Variants in FSTL5 observed in about 807,000 individuals in gnomAD.
The protein encoded by FSTL5 is follistatin-related protein 5.
Under a neutral mutation model 89.1 loss-of-function variants are expected in FSTL5, and 62 were observed. That is an observed-to-expected ratio of 0.70 (90% CI 0.57 to 0.86). The LOEUF is 0.86. Ranked by LOEUF, FSTL5 falls within the 40% of genes least tolerant of loss-of-function variation. The pLI is 0.00. For synonymous variants in FSTL5, 383 were observed against 346.2 expected, an observed-to-expected ratio of 1.11 and a Z score of -1.18; for missense variants, 1,057 against 1,001.6, an observed-to-expected ratio of 1.06 and a Z score of -0.75.
intron 1 of FSTL5, among the ~76,000 whole-genome samples, chr4:162,126,256 T>G (rs1254898736): frequency 6.6e-6 from 1 of 152,082 alleles, no homozygotes; most frequent in Non-Finnish European, 1.5e-5. Flanking sequence ...AGGCAACATG[T>G]CCCGTTCTTT....
intron 3 of FSTL5, among the ~76,000 whole-genome samples, chr4:162,008,387 C>G (rs1331659890): frequency 1.3e-5 from 2 of 151,800 alleles, no homozygotes; most frequent in Non-Finnish European, 3.0e-5. Flanking sequence ...TTTCCAAAAG[C>G]ACCTTTTAAT....
chr4:161,656,352 A>G lies in FSTL5; in HGVS notation c.870T>C (p.Asn290=). ...CATTGATGTCTTCCAAATCTAAATT[A>G]TTTAGAATAATATTGTTCCTTTTCC... is the stretch of plus-strand genomic sequence containing the variant. The part of the protein sequence containing the change: ...IIWKRNNIIL[N]NLDLEDINDF... Residue 290 remains asparagine, a synonymous_variant, in exon 7 of 16, where the codon AAT becomes AAC. Transcript: ENST00000306100. The G allele has an allele frequency of 6.3e-7, 1 of 1,588,484 alleles. No individual in the cohort carries two copies. Among genetic ancestry groups the G allele is most frequent in the Middle Eastern group, 1.7e-4 (1 of 5,966 alleles).
intron 8 of FSTL5, among the ~76,000 whole-genome samples, chr4:161,571,809 T>G (rs1733022017): frequency 6.6e-6 from 1 of 152,086 alleles, no homozygotes; most frequent in Non-Finnish European, 1.5e-5. Flanking sequence ...GTAATTCTGT[T>G]GTGGTGCTGG....
At chr4:161,637,492 C>T (rs549246004) in intron 7 of FSTL5, among the ~76,000 whole-genome samples, 23 of 152,038 alleles carry the variant, frequency 1.5e-4, no homozygotes, top group African/African-American at 2.9e-4. Context: ...TCAATTTTGT[C>T]GTTTGTTGCC....
intron 8 of FSTL5, among the ~76,000 whole-genome samples, chr4:161,544,436 C>T (rs1560946589): frequency 6.6e-6 from 1 of 151,834 alleles, no homozygotes; most frequent in Non-Finnish European, 1.5e-5. Flanking sequence ...TGGGCAAATC[C>T]ATGGTGACAG....
At chr4:161,472,825 A>G (rs751740167) in intron 13 of FSTL5, among the ~76,000 whole-genome samples, 12 of 151,788 alleles carry the variant, frequency 7.9e-5, no homozygotes, top group Non-Finnish European at 1.6e-4. Context: ...CCTGGGTTCA[A>G]GCAATTCTCC....
chr4:161,631,739 C>A (rs1053364599), intron 7 of FSTL5, among the ~76,000 whole-genome samples: 1 of 152,166 alleles, frequency 6.6e-6, no homozygotes, highest in Admixed American at 6.5e-5. Flanking sequence ...TTCTGACACA[C>A]AAATTACTAC....
chr4:161,820,387 A>T (rs1730453450), intron 4 of FSTL5, among the ~76,000 whole-genome samples: 1 of 152,194 alleles, frequency 6.6e-6, no homozygotes, highest in Admixed American at 6.5e-5. Context: ...TAATTCCAAT[A>T]GAGAGACACT....
intron 8 of FSTL5, among the ~76,000 whole-genome samples, chr4:161,554,605 A>G (rs1732326402): frequency 6.6e-6 from 1 of 151,678 alleles, no homozygotes; most frequent in South Asian, 2.1e-4. Context: ...AATGAATTTA[A>G]GGTGAATCGT....
At chr4:161,946,658 T>C (rs1734741947) in intron 3 of FSTL5, among the ~76,000 whole-genome samples, 1 of 152,180 alleles carries the variant, frequency 6.6e-6, no homozygotes, top group Non-Finnish European at 1.5e-5. Context: ...TAACAATTAC[T>C]TCAGTTGTTT....
chr4:161,786,142 A>T (rs969268030), intron 4 of FSTL5, among the ~76,000 whole-genome samples: 2 of 152,034 alleles, frequency 1.3e-5, no homozygotes, highest in African/African-American at 4.8e-5. Context: ...AATACATCTA[A>T]TTTATTCTAT....
chr4:162,069,815 A>G (rs1380228853), intron 2 of FSTL5, among the ~76,000 whole-genome samples: 2 of 151,900 alleles, frequency 1.3e-5, no homozygotes, highest in Non-Finnish European at 1.5e-5. Context: ...TTGGTTGACT[A>G]TATCTTAGCC....
intron 4 of FSTL5, among the ~76,000 whole-genome samples, chr4:161,869,787 T>C (rs1279565350): frequency 6.6e-6 from 1 of 152,224 alleles, no homozygotes; most frequent in African/African-American, 2.4e-5. Context: ...GTTAATACAT[T>C]AGCATATGGC....
At chr4:161,686,020 A>AT (rs1007568747) in intron 6 of FSTL5, among the ~76,000 whole-genome samples, 15 of 148,640 alleles carry the variant, frequency 1.0e-4, no homozygotes, top group Admixed American at 4.1e-4. Flanking sequence ...TGGTCATGTA[A>AT]TTTTTTTTTT....
intron 15 of FSTL5, among the ~76,000 whole-genome samples, chr4:161,434,533 C>T (rs563895299): frequency 2.6e-5 from 4 of 151,666 alleles, no homozygotes; most frequent in Admixed American, 6.6e-5. Flanking sequence ...TTTTTGTATC[C>T]GATAAGCACA....
chr4:161,924,653 C>T (rs1734076874), intron 3 of FSTL5, among the ~76,000 whole-genome samples: 1 of 151,462 alleles, frequency 6.6e-6, no homozygotes, highest in African/African-American at 2.4e-5. Flanking sequence ...TAAGACCTCA[C>T]AAACAATGTA....
intron 7 of FSTL5, among the ~76,000 whole-genome samples, chr4:161,643,503 A>G (rs1016843260): frequency 3.3e-5 from 5 of 151,476 alleles, no homozygotes; most frequent in South Asian, 2.1e-4. Context: ...AGTCAGTAAG[A>G]TTTTGAAGAC....
At chr4:161,872,150 T>G (rs1186982350) in intron 4 of FSTL5, among the ~76,000 whole-genome samples, 8 of 132,944 alleles carry the variant, frequency 6.0e-5, no homozygotes, top group South Asian at 5.4e-4. Context: ...GGTTTTTTTT[T>G]TTTTTTTTGT....
intron 4 of FSTL5, among the ~76,000 whole-genome samples, chr4:161,830,858 G>A (rs1484755049): frequency 6.6e-6 from 1 of 151,842 alleles, no homozygotes; most frequent in African/African-American, 2.4e-5. Flanking sequence ...AATTGGGGTT[G>A]GAAGGTGTTA....
Sources: gnomAD v4.1 joint callset for allele counts (sites outside exome capture counted in the v4.1 genomes callset) on GRCh38, gnomAD v4.1.1 for gene constraint, MANE v1.5 for transcripts, NCBI Gene and HGNC (gene_info 2026-07-23, HGNC 2026-07-21) for gene names.